The following ADAMTS9 variants were observed in gnomAD, a reference collection of about 807,000 sequenced individuals.
The protein encoded by ADAMTS9 is A disintegrin and metalloproteinase with thrombospondin motifs 9.
In ADAMTS9, 107 loss-of-function variants were observed where a neutral mutation model predicts 257.1. The ratio of observed to expected loss-of-function variants is 0.42; its 90% CI spans 0.36 to 0.49. The LOEUF (loss-of-function observed/expected upper bound fraction) is 0.49, where lower values mean the gene tolerates loss of function less well. Ranked by LOEUF, ADAMTS9 falls within the 20% of genes least tolerant of loss-of-function variation. ADAMTS9 has a pLI of 0.03. For missense variants in ADAMTS9, 2,353 were observed against 2,469.1 expected (o/e 0.95, Z 1.00); for synonymous variants, 982 against 880.9 (o/e 1.11, Z -2.03).
intron 21 of ADAMTS9, among the ~76,000 whole-genome samples, chr3:64,614,187 G>A (rs1200324370): frequency 3.3e-5 from 5 of 152,002 alleles, no homozygotes; most frequent in African/African-American, 7.2e-5. Flanking sequence ...CCATTTTATC[G>A]CATATTATTG....
intron 30 of ADAMTS9, among the ~76,000 whole-genome samples, chr3:64,557,207 GTAC>G (rs2083350324): frequency 6.6e-6 from 1 of 152,068 alleles, no homozygotes; most frequent in Non-Finnish European, 1.5e-5. Flanking sequence ...TGATGAAGAG[GTAC>G]TACAAGAGAA....
intron 2 of ADAMTS9, among the ~76,000 whole-genome samples, chr3:64,683,875 C>T (rs1219604718): frequency 2.6e-5 from 4 of 152,006 alleles, no homozygotes; most frequent in African/African-American, 9.7e-5. Context: ...ACGTACTAAG[C>T]ATCATAAGAG....
At chr3:64,547,215 G>T (rs936889593) in intron 31 of ADAMTS9, among the ~76,000 whole-genome samples, 3 of 152,140 alleles carry the variant, frequency 2.0e-5, no homozygotes, top group African/African-American at 7.2e-5. Flanking sequence ...ACCCCTTCTG[G>T]AGGTTTCGAA....
At chr3:64,540,998 AAT>A in intron 36 of ADAMTS9, 95 bp downstream of exon 36, 2 of 1,494,952 alleles carry the variant, frequency 1.3e-6, no homozygotes, top group Non-Finnish European at 1.8e-6. Flanking sequence ...TGCAATGTGC[AAT>A]ACGCACCTCC....
At chr3:64,567,533 G>A (rs190081903) in intron 29 of ADAMTS9, among the ~76,000 whole-genome samples, 1 of 152,162 alleles carries the variant, frequency 6.6e-6, no homozygotes, top group Non-Finnish European at 1.5e-5. Context: ...CTAAGGATTT[G>A]ATATGAACGG....
chr3:64,577,804 C>T (rs1377350982), intron 28 of ADAMTS9, among the ~76,000 whole-genome samples: 14 of 152,190 alleles, frequency 9.2e-5, no homozygotes, highest in Admixed American at 9.2e-4. Flanking sequence ...ATGTACCTAA[C>T]CAATATCTGC....
intron 12 of ADAMTS9, among the ~76,000 whole-genome samples, chr3:64,637,784 A>T (rs1700536178): frequency 6.6e-6 from 1 of 152,228 alleles, no homozygotes; most frequent in African/African-American, 2.4e-5. Context: ...CTGAAAGGCT[A>T]TTCAAAGATT....
intron 28 of ADAMTS9, among the ~76,000 whole-genome samples, chr3:64,580,651 T>C (rs2083975629): frequency 6.6e-6 from 1 of 152,180 alleles, no homozygotes; most frequent in African/African-American, 2.4e-5. Flanking sequence ...CAAATTTGAG[T>C]TTCTTTGAAA....
chr3:64,557,954 A>G (rs1294622591), intron 30 of ADAMTS9, among the ~76,000 whole-genome samples: 2 of 152,192 alleles, frequency 1.3e-5, no homozygotes, highest in Non-Finnish European at 2.9e-5. Flanking sequence ...CTGAACAACC[A>G]ATGGGCTTCA....
chr3:64,641,758 G>T, intron 12 of ADAMTS9, 90 bp downstream of exon 12: 3 of 1,520,718 alleles, frequency 2.0e-6, no homozygotes, highest in Non-Finnish European at 2.7e-6. Flanking sequence ...CTCTAAGTTG[G>T]AATGTACTCT....
intron 7 of ADAMTS9, 54 bp downstream of exon 7, chr3:64,654,518 A>G (rs1397622707): frequency 7.9e-6 from 12 of 1,517,288 alleles, no homozygotes; most frequent in Non-Finnish European, 6.1e-6. Flanking sequence ...GGCTTGAAAT[A>G]CAAACATGTA....
chr3:64,583,718 C>T (rs2084064890), intron 28 of ADAMTS9: 1 of 152,152 alleles, frequency 6.6e-6, no homozygotes, highest in Non-Finnish European at 1.5e-5. Flanking sequence ...CTCAGAAAGT[C>T]CTTCAGCAAG....
intron 3 of ADAMTS9, among the ~76,000 whole-genome samples, chr3:64,666,197 T>A (rs72892826): frequency 6.6e-6 from 1 of 152,166 alleles, no homozygotes; most frequent in Non-Finnish European, 1.5e-5. Flanking sequence ...ATGCACAGTA[T>A]GTTACTAAAT....
intron 29 of ADAMTS9, among the ~76,000 whole-genome samples, chr3:64,562,377 T>C (rs1462390814): frequency 2.6e-5 from 4 of 152,228 alleles, no homozygotes; most frequent in Admixed American, 6.5e-5. Flanking sequence ...GGAAAAACCA[T>C]TTCCTCGGGC....
At chr3:64,573,916 C>T (rs558537949) in intron 28 of ADAMTS9, among the ~76,000 whole-genome samples, 1 of 152,266 alleles carries the variant, frequency 6.6e-6, no homozygotes, top group Admixed American at 6.5e-5. Context: ...AGTGGAAGGC[C>T]TGGAAAACCA....
chr3:64,533,386 G>C, intron 37 of ADAMTS9, 116 bp from the exon 38 acceptor site: 1 of 770,834 alleles, frequency 1.3e-6, no homozygotes, highest in Non-Finnish European at 2.2e-6. Context: ...TTGATTAATT[G>C]TGATAGCTAC....
chr3:64,686,740 G>C lies in ADAMTS9; in HGVS notation c.344C>G (p.Ala115Gly), dbSNP rs370310120. The C allele has an allele frequency of 4.3e-6, 7 of 1,614,226 alleles. No homozygotes were observed. Among genetic ancestry groups the C allele is most frequent in the Non-Finnish European group, 5.1e-6 (6 of 1,180,046 alleles). Residue 115 changes from alanine (A) to glycine (G), a missense_variant, in exon 2 of 40, where the codon GCC becomes GGC. By Grantham distance (60) the Ala-to-Gly change is moderately conservative. This residue lies in a region of ADAMTS9 where 591 missense variants were observed against 569.6 expected (regional missense o/e 1.04). Coordinates refer to ENST00000498707, the MANE Select transcript of ADAMTS9 (RefSeq NM_182920.2). This position sits in a 1 kb window ranked among gnomAD's most constrained non-coding sequence, Gnocchi z 4.6. ...CAGTGGAGCGATAAATCCGGCATTG[G>C]CGGTGAGATTAAATAGAAACTGCTG... ...FGQQFLFNLT[A>G]NAGFIAPLFT...
chr3:64,618,045 A>G (rs1166877551), intron 19 of ADAMTS9, among the ~76,000 whole-genome samples: 5 of 152,146 alleles, frequency 3.3e-5, no homozygotes, highest in Non-Finnish European at 7.4e-5. Context: ...TTTTCAGTGA[A>G]CGATTTTATT....
chr3:64,577,850 A>G (rs1009325419), intron 28 of ADAMTS9, among the ~76,000 whole-genome samples: 10 of 152,222 alleles, frequency 6.6e-5, no homozygotes, highest in Non-Finnish European at 1.5e-4. Context: ...AGAACTATCT[A>G]TGTGTCAACA....
Sources: allele counts gnomAD v4.1 joint callset (sites outside exome capture counted in the v4.1 genomes callset), GRCh38; gene constraint gnomAD v4.1.1; regional missense constraint gnomAD v4.1.1; non-coding constraint Gnocchi (gnomAD v3.1); transcripts MANE v1.5; gene names NCBI Gene and HGNC (gene_info 2026-07-23, HGNC 2026-07-21).